TAP2: variants seen among roughly 807,000 people sequenced by gnomAD.
TAP2 encodes the protein transporter 2, ATP binding cassette subfamily B member, also known as antigen peptide transporter 2.
Under a neutral mutation model 74.7 loss-of-function variants are expected in TAP2, and 49 were observed. The observed-to-expected ratio is 0.66, with a 90% confidence interval of 0.52 to 0.83. The LOEUF (loss-of-function observed/expected upper bound fraction) is 0.83. Ranked by LOEUF, TAP2 falls within the 40% of genes least tolerant of loss-of-function variation. The probability of loss-of-function intolerance (pLI) is 0.00; values close to 1 mark genes in which losing one functional copy is unlikely to be tolerated. For missense variants in TAP2, 739 were observed against 859.0 expected (o/e 0.86, Z 1.75); for synonymous variants, 306 against 368.4 (o/e 0.83, Z 1.94).
chr6:32,829,566 A>G, intron 10 of TAP2, 30 bp from the exon 11 acceptor site: 1 of 1,613,796 alleles, frequency 6.2e-7, no homozygotes, highest in Non-Finnish European at 8.5e-7. Context: ...TCCCTTCCTC[A>G]GATACAAGTG....
Position 32,838,254 on chromosome 6 carries a change from G to C in TAP2, c.-4-17C>G. On this transcript the variant is annotated splice_polypyrimidine_tract_variant and intron_variant, in intron 1 of 11. Transcript: ENST00000374897. ...CGCATGGCTCTGTCAACGGATACGA[G>C]ATGAGAAATCATGGGGGTGGAGTCC... The C allele has an allele frequency of 6.5e-7, 1 of 1,540,350 alleles. No individual in the cohort carries two copies. Among genetic ancestry groups the C allele is most frequent in the Non-Finnish European group, 8.7e-7 (1 of 1,148,980 alleles).
At chr6:32,829,682 A>G in intron 10 of TAP2, 146 bp from the exon 11 acceptor site, 8 of 1,335,178 alleles carry the variant, frequency 6.0e-6, no homozygotes, top group East Asian at 2.3e-5. Flanking sequence ...GAGGAGGGCC[A>G]TGGGGTGGGG....
chr6:32,837,554 G>T lies in TAP2; in HGVS notation c.591C>A (p.Cys197Ter). Residue 197 changes from cysteine to a stop codon, truncating the protein, a stop_gained, in exon 3 of 12, where the codon TGC (cysteine) becomes TGA (stop). Coordinates refer to ENST00000374897, the MANE Select transcript of TAP2 (RefSeq NM_001290043.2). LOFTEE classifies it high-confidence loss of function. ...CCACCTACCTGCCAAAGGAGAAGAG[G>T]CACATGAAGAAGATGGCACTGGCAA... ...HAFASAIFFM[C>*]LFSFGSSLSA... The T allele has an allele frequency of 2.5e-6, 4 of 1,614,034 alleles. No individual in the cohort carries two copies. The highest frequency in any genetic ancestry group is 3.4e-6 in the Non-Finnish European group (4 of 1,179,964).
In TAP2 at chr6:32,837,690, T is replaced by C. The variant is rs1420603936; in HGVS notation, c.494-39A>G. The stretch of plus-strand genomic sequence containing the variant: ...GAAAAATAACACAAGAATGTGCTGG[T>C]GCCCAGGCCCTTTTACCACCTCCAA... On this transcript the variant is annotated intron_variant, in intron 2 of 11. Transcript: ENST00000374897. 34 of 1,613,982 alleles carry C rather than the reference T, an allele frequency of 2.1e-5. No individual in the cohort carries two copies. The East Asian group carries it at 7.3e-4, about 35-fold the overall frequency.
intron 3 of TAP2, among the ~76,000 whole-genome samples, chr6:32,836,497 G>A (rs532235338): frequency 6.6e-6 from 1 of 152,360 alleles, no homozygotes; most frequent in South Asian, 2.1e-4. Context: ...TGTGTTCTGA[G>A]AAATGTGTCG....
At chr6:32,823,808 A>T (rs559254177), downstream of TAP2, among the ~76,000 whole-genome samples, 194 of 152,242 alleles carry the variant, frequency 1.3e-3, 4 homozygotes, top group South Asian at 0.015. Context: ...TGTGCATTTT[A>T]AAAATTTTAC....
At position 32,838,534 on chromosome 6, in the gene TAP2, C is replaced by T. The variant is rs1216486853; in HGVS notation, c.-5+119G>A. On this transcript the variant is annotated intron_variant, in intron 1 of 11. Coordinates refer to ENST00000374897, the MANE Select transcript of TAP2 (RefSeq NM_001290043.2). ...GCCTGCCGCGGCGAGCTAAGTGGTC[C>T]GGGCTCCGCTCCCTCCTATCGCCGG... The T allele has an allele frequency of 8.3e-5, 30 of 363,620 alleles. No individual in the cohort carries two copies. The East Asian group carries it at 1.0e-3, about 12-fold the overall frequency. The allele number at this position is 363,620 out of a possible 1,614,324, so 22.5% of individuals were successfully genotyped here. A position where few individuals can be genotyped will look rare whatever the true frequency, so the allele number is the denominator to read the frequency against.
rs9380326 is a variant in TAP2, at chr6:32,830,506, T to C, written c.1462-66A>G. 0.12 allele frequency: 191,050 copies of C among 1,591,314 alleles called. 12,228 individuals carry two copies. Among genetic ancestry groups the C allele is most frequent in the Non-Finnish European group, 0.13 (146,334 of 1,169,180 alleles). The stretch of plus-strand genomic sequence containing the variant: ...CCTCAAAATCCCTCCATTTCTCTTC[T>C]TAGCAGAGGCAAGACCAGGTTCTCA... On this transcript the variant is annotated intron_variant, in intron 8 of 11. Transcript: ENST00000374897.
In TAP2 at chr6:32,830,681, C is replaced by G. The variant is rs137982419; in HGVS notation, c.1398G>C (p.Gly466=). The stretch of plus-strand genomic sequence containing the variant: ...AGGAGACGTCTTGGAATTTCACAAC[C>G]CCCTGCAGAGTGGTGGGGGCAAGCG... The part of the protein sequence containing the change: ...PGTLAPTTLQ[G]VVKFQDVSFA... Residue 466 remains glycine (G), a synonymous_variant, in exon 8 of 12, where the codon GGG becomes GGC. Coordinates refer to ENST00000374897, the MANE Select transcript of TAP2 (RefSeq NM_001290043.2). The G allele has an allele frequency of 2.5e-6, 4 of 1,613,060 alleles. No individual in the cohort carries two copies. The South Asian group carries it at 4.4e-5, about 18-fold the overall frequency.
At chr6:32,833,810 G>A (rs1011039250) in intron 5 of TAP2, among the ~76,000 whole-genome samples, 8 of 152,174 alleles carry the variant, frequency 5.3e-5, no homozygotes, top group African/African-American at 1.9e-4. Context: ...TGGGTAGGAG[G>A]TAATTGAATC....
intron 7 of TAP2, among the ~76,000 whole-genome samples, chr6:32,831,393 G>A (rs1195394719): frequency 6.6e-6 from 1 of 152,166 alleles, no homozygotes; most frequent in Non-Finnish European, 1.5e-5. Flanking sequence ...AAGAATGATA[G>A]AGTATCTCCC....
chr6:32,834,325 C>G (rs1304817663), intron 5 of TAP2, among the ~76,000 whole-genome samples: 1 of 152,232 alleles, frequency 6.6e-6, no homozygotes, highest in African/African-American at 2.4e-5. Flanking sequence ...GAAATTCTAA[C>G]ACATGCTACA....
chr6:32,828,984 G>A lies in TAP2; in HGVS notation c.1983C>T (p.His661=), dbSNP rs1436611938. 1.9e-6 allele frequency: 3 copies of A among 1,551,158 alleles called. No homozygotes were observed. The highest frequency in any genetic ancestry group is 2.6e-6 in the Non-Finnish European group (3 of 1,147,754). Residue 661 remains histidine (H), a synonymous_variant, in exon 12 of 12, where the codon CAC becomes CAT. Transcript: ENST00000374897. ...GGGCGCGCTGAACTGTCTGCAGCCT[G>A]TGAGCAATCACCAGCACTGTGCGAT... is the stretch of plus-strand genomic sequence containing the variant. ...RGDRTVLVIA[H]RLQTVQRAHQ...
chr6:32,830,131 C>T, intron 9 of TAP2, 42 bp from the exon 10 acceptor site: 1 of 1,612,902 alleles, frequency 6.2e-7, no homozygotes, highest in Non-Finnish European at 8.5e-7. Context: ...GTGTAAACCC[C>T]CAAGGCAGGG....
Position 32,828,672 on chromosome 6 carries a change from A to T in TAP2, c.*234T>A. 1 of 982,304 alleles carries T rather than the reference A, an allele frequency of 1.0e-6. No homozygotes were observed. The highest frequency in any genetic ancestry group is 1.2e-6 in the Non-Finnish European group (1 of 813,598). The allele number at this position is 982,304 out of a possible 1,614,324, so 60.8% of individuals were successfully genotyped here. A position where few individuals can be genotyped will look rare whatever the true frequency, so the allele number is the denominator to read the frequency against. ...AGGGAATTAAGTTTCCTGGACACAG[A>T]CAGCCCCCACCCCACCCCACCCCAC... On this transcript the variant is annotated 3_prime_UTR_variant, in exon 12 of 12. Transcript: ENST00000374897.
At chr6:32,825,172 T>C (rs1419871740), downstream of TAP2, among the ~76,000 whole-genome samples, 1 of 131,802 alleles carries the variant, frequency 7.6e-6, no homozygotes, top group Non-Finnish European at 1.6e-5. Flanking sequence ...ACTCATATGT[T>C]GCTGCTGGAA....
chr6:32,829,847 A>T (rs1466672539), intron 10 of TAP2, 83 bp downstream of exon 10: 17 of 1,571,398 alleles, frequency 1.1e-5, no homozygotes, highest in African/African-American at 2.7e-5. Context: ...ATCAAGCTAC[A>T]GGGACACGAC....
Position 32,830,406 on chromosome 6 carries a change from G to C in TAP2, c.1496C>G (p.Thr499Arg). 1 of 1,612,768 alleles carries C rather than the reference G, an allele frequency of 6.2e-7. No individual in the cohort carries two copies. The change falls in exon 9 of 12, where the codon ACG becomes AGG. Residue 499 changes from threonine to arginine, a missense_variant. Coordinates refer to ENST00000374897, the MANE Select transcript of TAP2 (RefSeq NM_001290043.2). ...LTFTLRPGEV[T>R]ALVGPNGSGK... ...AGACCCATTGGGTCCCACCAGCGCC[G>C]TCACCTCACCAGGACGTAGGGTAAA...
Position 32,835,142 on chromosome 6 carries a change from A to G in TAP2, c.945+12T>C. 2 of 1,611,840 alleles carry G rather than the reference A, an allele frequency of 1.2e-6. No homozygotes were observed. The highest frequency in any genetic ancestry group is 1.7e-6 in the Non-Finnish European group (2 of 1,179,906). On this transcript the variant is annotated intron_variant, in intron 5 of 11. Transcript: ENST00000374897. The surrounding 1 kb of genome is among the most constrained non-coding windows in gnomAD (Gnocchi z 4.0). Reference sequence around the variant, plus strand: ...TATTCTCCCTTTGGGGTTCCCTTACATGCACGCTCACCTGATGGCGGGTGT... The same window carrying G: ...TATTCTCCCTTTGGGGTTCCCTTACGTGCACGCTCACCTGATGGCGGGTGT...
Sources: gnomAD v4.1 joint callset for allele counts (sites outside exome capture counted in the v4.1 genomes callset) on GRCh38, gnomAD v4.1.1 for gene constraint, Gnocchi (gnomAD v3.1) non-coding constraint, MANE v1.5 for transcripts, NCBI Gene and HGNC (gene_info 2026-07-23, HGNC 2026-07-21) for gene names.